The following RPF2 variants were observed in gnomAD, a reference collection of about 807,000 sequenced individuals.
The protein encoded by RPF2 is ribosome production factor 2 homolog.
RPF2 carries 21 observed loss-of-function variants against 38.9 expected under a neutral mutation model. That is an observed-to-expected ratio of 0.54 (90% CI 0.38 to 0.78). The LOEUF (loss-of-function observed/expected upper bound fraction) is 0.78. Ranked by LOEUF, RPF2 falls within the 30% of genes least tolerant of loss-of-function variation. The pLI is 0.00. For missense variants in RPF2, 314 were observed against 358.1 expected (o/e 0.88, Z 0.99); for synonymous variants, 121 against 126.2 (o/e 0.96, Z 0.28).
chr6:110,988,888 A>T, intron 2 of RPF2, 140 bp from the exon 3 acceptor site: 1 of 1,078,414 alleles, frequency 9.3e-7, no homozygotes, highest in Non-Finnish European at 1.3e-6. Flanking sequence ...GTAAGTGATG[A>T]AAAGGGAGCC....
chr6:111,024,649 C>G (rs912024747), intron 9 of RPF2, among the ~76,000 whole-genome samples: 1 of 148,122 alleles, frequency 6.8e-6, no homozygotes. Flanking sequence ...GGAGGTGGAG[C>G]TTGCAGTGAG....
intron 3 of RPF2, among the ~76,000 whole-genome samples, chr6:110,989,628 T>G (rs956794965): frequency 5.1e-5 from 6 of 118,216 alleles, no homozygotes; most frequent in African/African-American, 1.1e-4. Context: ...TTTTGTGTGG[T>G]TTTTTTTTTT....
intron 1 of RPF2, 110 bp downstream of exon 1, chr6:110,982,239 G>A: frequency 1.6e-6 from 2 of 1,266,154 alleles, no homozygotes; most frequent in East Asian, 4.7e-5. Context: ...CTAATTACCT[G>A]GGTGGGGGCC....
intron 8 of RPF2, among the ~76,000 whole-genome samples, chr6:111,018,496 T>C (rs58415632): frequency 0.12 from 18,060 of 152,182 alleles, 1,663 homozygotes; most frequent in East Asian, 0.52. Context: ...TCTAGCATTT[T>C]GTACATCGTT....
intron 8 of RPF2, among the ~76,000 whole-genome samples, chr6:111,021,518 G>A (rs1033116323): frequency 6.6e-6 from 1 of 152,192 alleles, no homozygotes; most frequent in Non-Finnish European, 1.5e-5. Context: ...GTGGTCCAGG[G>A]ATTCAGCATC....
At chr6:111,009,108 T>A (rs1290115721) in intron 7 of RPF2, among the ~76,000 whole-genome samples, 1 of 151,158 alleles carries the variant, frequency 6.6e-6, no homozygotes, top group Admixed American at 6.6e-5. Flanking sequence ...CAAGCTAGAG[T>A]GCAGTGGCGC....
chr6:110,994,738 C>T (rs60444531), intron 4 of RPF2, among the ~76,000 whole-genome samples: 30,366 of 117,666 alleles, frequency 0.26, 4,159 homozygotes, highest in East Asian at 0.69. Context: ...TATATATACA[C>T]ACACACACAC....
intron 2 of RPF2, among the ~76,000 whole-genome samples, chr6:110,985,595 CACTGT>C (rs953225467): frequency 6.6e-6 from 1 of 152,116 alleles, no homozygotes; most frequent in Non-Finnish European, 1.5e-5. Context: ...AAAGTTCTTA[CACTGT>C]GCTGTGCTGG....
chr6:110,982,421 A>G (rs1583254861), intron 1 of RPF2: 2 of 495,558 alleles, frequency 4.0e-6, no homozygotes, highest in South Asian at 2.4e-5. Flanking sequence ...CAGATGGTAT[A>G]GTGGGGTTAG....
At chr6:110,990,567 C>A (rs370589617) in intron 3 of RPF2, among the ~76,000 whole-genome samples, 5 of 133,788 alleles carry the variant, frequency 3.7e-5, no homozygotes, top group Non-Finnish European at 6.6e-5. Flanking sequence ...GAACCCCCCC[C>A]CCCCCCACCT....
chr6:110,998,659 C>T (rs558257153), intron 5 of RPF2, among the ~76,000 whole-genome samples: 1 of 152,264 alleles, frequency 6.6e-6, no homozygotes, highest in East Asian at 1.9e-4. Flanking sequence ...TAGGCAGACA[C>T]GCACAGGACA....
At chr6:110,989,627 G>GTTT (rs56989879) in intron 3 of RPF2, among the ~76,000 whole-genome samples, 2 of 123,330 alleles carry the variant, frequency 1.6e-5, no homozygotes, top group Non-Finnish European at 3.5e-5. Flanking sequence ...TTTTTGTGTG[G>GTTT]TTTTTTTTTT....
chr6:110,982,978 A>G (rs1235127436), intron 1 of RPF2, among the ~76,000 whole-genome samples: 1 of 152,254 alleles, frequency 6.6e-6, no homozygotes, highest in Admixed American at 6.5e-5. Flanking sequence ...AATAATTTGT[A>G]TCTTTATCAA....
chr6:111,020,718 G>A (rs138150519), intron 8 of RPF2, among the ~76,000 whole-genome samples: 5 of 152,018 alleles, frequency 3.3e-5, no homozygotes, highest in Non-Finnish European at 5.9e-5. Context: ...AAAATTAGCC[G>A]GGCAACATGG....
chr6:111,010,563 G>A (rs909265577), intron 7 of RPF2, among the ~76,000 whole-genome samples: 3 of 152,300 alleles, frequency 2.0e-5, no homozygotes, highest in South Asian at 2.1e-4. Flanking sequence ...TCACCTTAGT[G>A]TTGACAGCCG....
chr6:111,012,162 A>ATTTT lies in RPF2; in HGVS notation c.494-3580_494-3577dup, dbSNP rs570516659. Among the ~76,000 whole-genome samples the ATTTT allele has an allele frequency of 0.029, 3,299 of 115,012 alleles. 269 individuals are homozygous for ATTTT. The East Asian group carries it at 0.31, about 11-fold the overall frequency. The allele number at this position is 115,012 out of a possible 152,430, so 75.5% of individuals were successfully genotyped here. ...TGTTCATTCTTAATTTGTTTACATC[A>ATTTT]TTTTTTTTTTTTTTTCTTTTTTTGA... On this transcript the variant is annotated intron_variant, in intron 7 of 9. Transcript: ENST00000441448.
intron 4 of RPF2, 25 bp downstream of exon 4, chr6:110,991,811 TAAGA>T: frequency 1.0e-6 from 1 of 981,384 alleles, no homozygotes; most frequent in Non-Finnish European, 1.5e-6. Context: ...CTTTATGATT[TAAGA>T]AAGCATATAA....
intron 7 of RPF2, among the ~76,000 whole-genome samples, chr6:111,014,345 T>G (rs9384784): frequency 0.13 from 20,033 of 152,080 alleles, 2,040 homozygotes; most frequent in East Asian, 0.56. Flanking sequence ...TGTTAGCCCC[T>G]ATGGTCTTGA....
chr6:110,985,935 CAAAAAAAA>C (rs71770271), intron 2 of RPF2, among the ~76,000 whole-genome samples: 1 of 104,582 alleles, frequency 9.6e-6, no homozygotes, highest in African/African-American at 3.3e-5. Flanking sequence ...GACTCCATTT[CAAAAAAAA>C]AAAAAAAAAA....
Sources: gnomAD v4.1 joint callset for allele counts (sites outside exome capture counted in the v4.1 genomes callset) on GRCh38, gnomAD v4.1.1 for gene constraint, MANE v1.5 for transcripts, NCBI Gene and HGNC (gene_info 2026-07-23, HGNC 2026-07-21) for gene names.